The following FAM193A variants were observed in gnomAD, a reference collection of about 807,000 sequenced individuals.
The protein encoded by FAM193A is family with sequence similarity 193 member A, also known as protein FAM193A.
In FAM193A, 22 loss-of-function variants were observed where a neutral mutation model predicts 126.5. The ratio of observed to expected loss-of-function variants is 0.17; its 90% CI spans 0.12 to 0.25. The LOEUF (loss-of-function observed/expected upper bound fraction) is 0.25, where lower values mean the gene tolerates loss of function less well. Ranked by LOEUF, FAM193A falls within the 10% of genes least tolerant of loss-of-function variation. FAM193A has a pLI of 1.00. For missense variants in FAM193A, 1,675 were observed against 1,672.8 expected (o/e 1.00, Z -0.02); for synonymous variants, 761 against 646.8 (o/e 1.18, Z -2.68).
chr4:2,628,184 G>A (rs36062177), intron 4 of FAM193A, among the ~76,000 whole-genome samples: 5,247 of 149,304 alleles, frequency 0.035, 289 homozygotes, highest in African/African-American at 0.12. Context: ...GCGCCCCGCC[G>A]GGAGTTTTAT....
chr4:2,656,616 T>C (rs914096247), intron 7 of FAM193A, among the ~76,000 whole-genome samples: 9 of 152,186 alleles, frequency 5.9e-5, no homozygotes, highest in Admixed American at 1.3e-4. Flanking sequence ...CACACCTGTG[T>C]GTGCGTGCGT....
intron 2 of FAM193A, chr4:2,608,239 T>C (rs1023941769): frequency 1.1e-6 from 1 of 897,474 alleles, no homozygotes; most frequent in East Asian, 2.8e-5. Context: ...AGTGCAGTGG[T>C]GCAATCCTGA....
At chr4:2,728,873 G>A (rs1347399519) in intron 20 of FAM193A, among the ~76,000 whole-genome samples, 8 of 138,700 alleles carry the variant, frequency 5.8e-5, no homozygotes, top group Non-Finnish European at 1.1e-4. Flanking sequence ...CCTCTAATAA[G>A]CAAATATGTT....
chr4:2,591,841 A>G (rs1032716992), intron 1 of FAM193A, among the ~76,000 whole-genome samples: 2 of 152,144 alleles, frequency 1.3e-5, no homozygotes, highest in African/African-American at 4.8e-5. Flanking sequence ...TGGGTGGTAG[A>G]AAATCAGTTT....
At chr4:2,691,190 C>A (rs1467514981) in intron 15 of FAM193A, among the ~76,000 whole-genome samples, 1 of 152,210 alleles carries the variant, frequency 6.6e-6, no homozygotes, top group East Asian at 1.9e-4. Context: ...GGCTTCGCTG[C>A]ACTGTCTTGC....
chr4:2,663,288 G>T lies in FAM193A; in HGVS notation c.2079G>T (p.Gln693His), dbSNP rs1459272948. ...DSPPPSYPTQ[Q>H]AEQAPNTCEC... is the part of the protein sequence containing the mutation. ...CACCCCCATCCTACCCAACACAGCA[G>T]GTAGGACTTTGCTTGCTGTTTTGCC... The change falls in exon 12 of 21, where the codon CAG becomes CAT. Residue 693 changes from glutamine (Q) to histidine (H), a missense_variant and splice_region_variant. This residue lies in a region of FAM193A where 1,186 missense variants were observed against 1,109.2 expected (regional missense o/e 1.07). Transcript: ENST00000637812. 2 of 1,556,880 alleles carry T rather than the reference G, an allele frequency of 1.3e-6. No individual in the cohort carries two copies. The highest frequency in any genetic ancestry group is 1.7e-6 in the Non-Finnish European group (2 of 1,153,466).
At chr4:2,590,490 AAAAAACAAAAAAAAACAAAAAAAAAAC>A (rs1740490155) in intron 1 of FAM193A, among the ~76,000 whole-genome samples, 11 of 101,702 alleles carry the variant, frequency 1.1e-4, no homozygotes, top group African/African-American at 7.5e-4. Context: ...AAAAAACAAA[AAAAAACAAAAAAAAACAAAAAAAAAAC>A]AAAACAAAAT....
At chr4:2,699,446 C>CACA (rs1553912476) in intron 18 of FAM193A, among the ~76,000 whole-genome samples, 31 of 103,536 alleles carry the variant, frequency 3.0e-4, no homozygotes, top group African/African-American at 7.3e-4. Context: ...ACCCCCCCCC[C>CACA]CACACACACA....
intron 5 of FAM193A, among the ~76,000 whole-genome samples, chr4:2,636,781 TTG>T (rs1245615272): frequency 6.6e-6 from 1 of 152,206 alleles, no homozygotes; most frequent in Non-Finnish European, 1.5e-5. Context: ...TAGCCACAGA[TTG>T]TGTCACTTGT....
At chr4:2,601,513 G>A (rs973028183) in intron 2 of FAM193A, among the ~76,000 whole-genome samples, 1 of 151,928 alleles carries the variant, frequency 6.6e-6, no homozygotes, top group African/African-American at 2.4e-5. Context: ...GGGATTACAA[G>A]CCTGAGCCAC....
chr4:2,598,339 AT>A (rs1156853896), intron 2 of FAM193A, among the ~76,000 whole-genome samples: 2 of 152,174 alleles, frequency 1.3e-5, no homozygotes, highest in African/African-American at 4.8e-5. Flanking sequence ...AGATAAACCA[AT>A]TTATGCATTC....
chr4:2,702,105 T>C (rs1717802561), intron 19 of FAM193A, among the ~76,000 whole-genome samples: 1 of 152,202 alleles, frequency 6.6e-6, no homozygotes. Context: ...ATTCTTTCTA[T>C]ATTTGTTACT....
chr4:2,652,495 G>A (rs1004005027), intron 7 of FAM193A, among the ~76,000 whole-genome samples: 11 of 152,122 alleles, frequency 7.2e-5, no homozygotes, highest in African/African-American at 2.4e-4. Context: ...GGGAGGCCTC[G>A]GGAAACTTAC....
chr4:2,614,025 G>A (rs1742042419), intron 2 of FAM193A, among the ~76,000 whole-genome samples: 1 of 151,994 alleles, frequency 6.6e-6, no homozygotes. Flanking sequence ...CATGTGCGTC[G>A]GCCTCCCAAA....
At chr4:2,556,191 C>T (rs149296366) in intron 1 of FAM193A, among the ~76,000 whole-genome samples, 34 of 151,722 alleles carry the variant, frequency 2.2e-4, no homozygotes, top group Admixed American at 5.3e-4. Flanking sequence ...CCACTGTGCC[C>T]GGCCAGTGAG....
intron 19 of FAM193A, chr4:2,715,362 C>A: frequency 4.2e-6 from 1 of 237,678 alleles, no homozygotes; most frequent in Non-Finnish European, 6.8e-6. Flanking sequence ...ACTCAGGAGG[C>A]TGAGGCAGGA....
chr4:2,555,376 G>A (rs1367520215), intron 1 of FAM193A, among the ~76,000 whole-genome samples: 1 of 152,150 alleles, frequency 6.6e-6, no homozygotes, highest in Non-Finnish European at 1.5e-5. Context: ...TAATTTGGGA[G>A]GCTAGAGGTA....
At chr4:2,663,037 A>G (rs1712662560) in intron 11 of FAM193A, 46 bp downstream of exon 11, 1 of 1,594,834 alleles carries the variant, frequency 6.3e-7, no homozygotes, top group African/African-American at 1.3e-5. Flanking sequence ...ACATAAAATG[A>G]TGGTCTGACA....
chr4:2,716,027 T>A lies in FAM193A; in HGVS notation c.4377T>A (p.Asp1459Glu). Residue 1459 changes from aspartate (D) to glutamate (E), a missense_variant, in exon 20 of 21, where the codon GAT (aspartate) becomes GAA (glutamate). Physicochemically the swap from Asp to Glu is conservative, Grantham distance 45 (BLOSUM62 2). Coordinates refer to ENST00000637812, the MANE Select transcript of FAM193A (RefSeq NM_001366318.2). ...TGCTTCTCTTTTGTTTTACAGATGATGTCTTTCTACCTAAAGATATTGACC... is the reference window on the plus strand; with the variant it reads ...TGCTTCTCTTTTGTTTTACAGATGAAGTCTTTCTACCTAAAGATATTGACC... ...KGDRVNNSID[D>E]VFLPKDIDLD... 2.5e-6 allele frequency: 4 copies of A among 1,574,766 alleles called. No individual in the cohort carries two copies. The highest frequency in any genetic ancestry group is 3.5e-6 in the Non-Finnish European group (4 of 1,143,820).
Sources: allele counts gnomAD v4.1 joint callset (sites outside exome capture counted in the v4.1 genomes callset), GRCh38; gene constraint gnomAD v4.1.1; regional missense constraint gnomAD v4.1.1; transcripts MANE v1.5; gene names NCBI Gene and HGNC (gene_info 2026-07-23, HGNC 2026-07-21).